Variants in CAMK1D observed in about 807,000 individuals in gnomAD.
CAMK1D encodes the protein calcium/calmodulin dependent protein kinase ID.
CAMK1D carries 9 observed loss-of-function variants against 47.7 expected under a neutral mutation model. The observed-to-expected ratio is 0.19, with a 90% CI of 0.11 to 0.33. The LOEUF (loss-of-function observed/expected upper bound fraction) is 0.33, where lower values mean the gene tolerates loss of function less well. Ranked by LOEUF, CAMK1D falls within the 10% of genes least tolerant of loss-of-function variation. The probability of loss-of-function intolerance (pLI) is 1.00; values close to 1 mark genes in which losing one functional copy is unlikely to be tolerated. For synonymous variants in CAMK1D, 184 were observed against 184.9 expected (o/e 0.99, Z 0.04); for missense variants, 291 against 488.7 (o/e 0.60, Z 3.81).
At chr10:12,818,297 G>A (rs1204118957) in intron 8 of CAMK1D, among the ~76,000 whole-genome samples, 2 of 152,248 alleles carry the variant, frequency 1.3e-5, no homozygotes, top group Non-Finnish European at 2.9e-5. Context: ...CCAGCACTGG[G>A]CTAATTGCTC....
Position 12,452,190 on chromosome 10 carries a change from A to C in CAMK1D, c.93-101035A>C, listed in dbSNP as rs866034048. On this transcript the variant is annotated intron_variant, in intron 1 of 10. Transcript: ENST00000619168. ...GAACCCGACAATGACCTTTGTTCAC[A>C]TTAATGGAGCAGATGATTGCATTGC... Among the ~76,000 whole-genome samples, 11 of 152,212 alleles carry C rather than the reference A, an allele frequency of 7.2e-5. 1 individual carries two copies. The highest frequency in any genetic ancestry group is 2.7e-4 in the African/African-American group (11 of 41,448).
At chr10:12,457,732 G>C (rs537912603) in intron 1 of CAMK1D, among the ~76,000 whole-genome samples, 9 of 135,166 alleles carry the variant, frequency 6.7e-5, no homozygotes, top group African/African-American at 2.2e-4. Context: ...AGTGAGCTGA[G>C]ATTATGCCAC....
intron 3 of CAMK1D, among the ~76,000 whole-genome samples, chr10:12,759,660 T>C (rs946984838): frequency 9.9e-5 from 15 of 152,188 alleles, no homozygotes; most frequent in Non-Finnish European, 1.5e-4. Context: ...CTTTTCTTTC[T>C]TACCTAGATT....
chr10:12,726,976 C>T (rs1251825272), intron 3 of CAMK1D, among the ~76,000 whole-genome samples: 1 of 152,214 alleles, frequency 6.6e-6, no homozygotes, highest in Non-Finnish European at 1.5e-5. Flanking sequence ...CGGCTGTATT[C>T]AGTCAGGCCT....
At chr10:12,699,903 G>T (rs1324259712) in intron 3 of CAMK1D, among the ~76,000 whole-genome samples, 2 of 151,866 alleles carry the variant, frequency 1.3e-5, no homozygotes. Context: ...CTCTGATAGG[G>T]GCTCTTTTCA....
chr10:12,609,596 A>T (rs1390947329), intron 2 of CAMK1D, among the ~76,000 whole-genome samples: 1 of 152,196 alleles, frequency 6.6e-6, no homozygotes. Flanking sequence ...CGCAGTTCAC[A>T]ATAGGGTTCA....
chr10:12,773,313 G>A (rs1010692368), intron 5 of CAMK1D, among the ~76,000 whole-genome samples: 3 of 152,092 alleles, frequency 2.0e-5, no homozygotes, highest in Non-Finnish European at 4.4e-5. Context: ...ACAGGGGCTG[G>A]GTTCCAAGAT....
chr10:12,785,320 G>A (rs1459633075), intron 5 of CAMK1D, among the ~76,000 whole-genome samples: 2 of 152,188 alleles, frequency 1.3e-5, no homozygotes, highest in African/African-American at 4.8e-5. Context: ...GGAGGCTGGG[G>A]ACATCTTACA....
At chr10:12,413,876 A>G (rs1027049844) in intron 1 of CAMK1D, among the ~76,000 whole-genome samples, 3 of 152,230 alleles carry the variant, frequency 2.0e-5, no homozygotes, top group African/African-American at 4.8e-5. Context: ...AAAATGAGAA[A>G]GATAATGCAG....
intron 4 of CAMK1D, among the ~76,000 whole-genome samples, chr10:12,768,816 C>T (rs1836900504): frequency 6.6e-6 from 1 of 152,178 alleles, no homozygotes; most frequent in Non-Finnish European, 1.5e-5. Context: ...CCCCTGCTTC[C>T]TTGCTAGGAA....
chr10:12,543,110 C>T (rs544496578), intron 1 of CAMK1D, among the ~76,000 whole-genome samples: 31 of 152,220 alleles, frequency 2.0e-4, no homozygotes, highest in Middle Eastern at 3.4e-3. Flanking sequence ...TGCAGTGGCA[C>T]GATCTTGGCT....
intron 3 of CAMK1D, among the ~76,000 whole-genome samples, chr10:12,736,100 A>G (rs891713528): frequency 6.6e-5 from 10 of 152,176 alleles, no homozygotes; most frequent in African/African-American, 2.4e-4. Flanking sequence ...CTTCATCCAG[A>G]AATTTCCATG....
At chr10:12,821,641 A>T (rs191339210) in intron 8 of CAMK1D, among the ~76,000 whole-genome samples, 32 of 152,336 alleles carry the variant, frequency 2.1e-4, no homozygotes, top group Admixed American at 5.9e-4. Context: ...AAAAGGTGTG[A>T]TTACGTAAAT....
intron 2 of CAMK1D, among the ~76,000 whole-genome samples, chr10:12,595,184 A>T (rs1490894796): frequency 6.6e-6 from 1 of 151,890 alleles, no homozygotes; most frequent in South Asian, 2.1e-4. Context: ...TCTACTAAAA[A>T]TACAAAAATT....
chr10:12,662,525 GC>G (rs944055398), intron 2 of CAMK1D, among the ~76,000 whole-genome samples: 3 of 152,200 alleles, frequency 2.0e-5, no homozygotes, highest in Non-Finnish European at 4.4e-5. Flanking sequence ...GGTGGCGGGC[GC>G]CTGTGGTCCC....
chr10:12,745,535 G>GTTGC (rs376666719), intron 3 of CAMK1D, among the ~76,000 whole-genome samples: 1,647 of 152,112 alleles, frequency 0.011, 29 homozygotes, highest in African/African-American at 0.038. Flanking sequence ...TTTTTCAAGT[G>GTTGC]TTGCTGTATA....
intron 3 of CAMK1D, among the ~76,000 whole-genome samples, chr10:12,672,901 T>TTTTTTTTTTGTTTTTGTTTTTTTTTTG (rs1554807923): frequency 1.4e-5 from 2 of 147,064 alleles, no homozygotes; most frequent in African/African-American, 5.0e-5. Context: ...CTTGCCTTTT[T>TTTTTTTTTTGTTTTTGTTTTTTTTTTG]TTTTTTTTTT....
intron 1 of CAMK1D, among the ~76,000 whole-genome samples, chr10:12,534,262 T>A (rs1835899903): frequency 6.6e-6 from 1 of 152,188 alleles, no homozygotes; most frequent in African/African-American, 2.4e-5. Context: ...CAGGTTGGAG[T>A]GCAGTGGCGC....
intron 1 of CAMK1D, among the ~76,000 whole-genome samples, chr10:12,445,736 G>A (rs1832906067): frequency 1.3e-5 from 2 of 152,174 alleles, no homozygotes; most frequent in Non-Finnish European, 2.9e-5. Flanking sequence ...GACAACTGCA[G>A]AGAATTATAT....
Sources: gnomAD v4.1 joint callset for allele counts (sites outside exome capture counted in the v4.1 genomes callset) on GRCh38, gnomAD v4.1.1 for gene constraint, MANE v1.5 for transcripts, NCBI Gene and HGNC (gene_info 2026-07-23, HGNC 2026-07-21) for gene names.